NDUFAF3: variants seen among roughly 807,000 people sequenced by gnomAD.
NDUFAF3 encodes the protein NADH dehydrogenase [ubiquinone] 1 alpha subcomplex assembly factor 3.
NDUFAF3 carries 21 observed loss-of-function variants against 22.6 expected under a neutral mutation model. That is an observed-to-expected ratio of 0.93 (90% confidence interval 0.66 to 1.34). The LOEUF (loss-of-function observed/expected upper bound fraction) is 1.34, where lower values mean the gene tolerates loss of function less well. Among genes scored for constraint, NDUFAF3 ranks in the 40% most tolerant of loss-of-function variants. NDUFAF3 has a pLI of 0.00. For synonymous variants in NDUFAF3, 113 were observed against 104.9 expected (o/e 1.08, Z -0.47); for missense variants, 251 against 248.4 (o/e 1.01, Z -0.07).
chr3:49,020,931 G>C (rs1318824570), upstream of NDUFAF3: 2 of 207,242 alleles, frequency 9.7e-6, no homozygotes, highest in African/African-American at 2.3e-5. Context: ...GGCAGGATTA[G>C]CCCTGTTGGT....
chr3:49,020,494 C>T, upstream of NDUFAF3: 1 of 388,884 alleles, frequency 2.6e-6, no homozygotes, highest in Non-Finnish European at 5.4e-6. Flanking sequence ...CCAGCCTCGG[C>T]TCTCCCACGT....
rs1453134023 is a variant in NDUFAF3, at chr3:49,022,259, C to G, written c.77+38C>G. 6.2e-7 allele frequency: 1 copy of G among 1,608,994 alleles called. No individual in the cohort carries two copies. The highest frequency in any genetic ancestry group is 1.7e-5 in the Admixed American group (1 of 59,876). ...CCCGCGCCCTCGACCATCCAGCCCCCTAGGGCCGGCGACTGCCAGCCCAGC... is the reference window on the plus strand; with the variant it reads ...CCCGCGCCCTCGACCATCCAGCCCCGTAGGGCCGGCGACTGCCAGCCCAGC... On this transcript the variant is annotated intron_variant, in intron 1 of 4. Transcript: ENST00000326925. This position sits in a 1 kb window ranked among gnomAD's most constrained non-coding sequence, Gnocchi z 6.6.
chr3:49,022,448 C>CT lies in NDUFAF3; in HGVS notation c.180_181insT (p.Asp61Ter), dbSNP rs752864722. On this transcript the variant is annotated frameshift_variant, in exon 2 of 5. Transcript: ENST00000326925. LOFTEE classifies it high-confidence loss of function. The surrounding 1 kb of genome is among the most constrained non-coding windows in gnomAD (Gnocchi z 6.6). ...GCGAGGCCGCTCAGGCAATGTACAT[C>CT]GACAGCTACAACAGCCGCGGCTTCA... is the stretch of plus-strand genomic sequence containing the variant. 71 of 1,612,936 alleles carry CT rather than the reference C, an allele frequency of 4.4e-5. No homozygotes were observed. The highest frequency in any genetic ancestry group is 5.1e-6 in the Non-Finnish European group (6 of 1,180,030).
rs1218876924 is a variant in NDUFAF3 at position 49,023,125 on chromosome 3, C to T, written c.508C>T (p.Pro170Ser). The change falls in exon 5 of 5, where the codon CCA becomes TCA. Residue 170 changes from proline (P) to serine (S), a missense_variant. Physicochemically the swap from Pro to Ser is moderately conservative, Grantham distance 74. Coordinates refer to ENST00000326925, the MANE Select transcript of NDUFAF3 (RefSeq NM_199069.2). ...AGTAACTGGAGCTGCTCTCATCCCT[C>T]CACCAGGAGGGACTTCACTTACATC... Reference protein sequence around the residue: ...GRVTGAALIPPPGGTSLTSLG... With the variant: ...GRVTGAALIPSPGGTSLTSLG... 1 of 1,614,068 alleles carries T rather than the reference C, an allele frequency of 6.2e-7. No homozygotes were observed. Among genetic ancestry groups the T allele is most frequent in the Non-Finnish European group, 8.5e-7 (1 of 1,180,052 alleles).
Position 49,022,444 on chromosome 3 carries a change from A to G in NDUFAF3, c.176A>G (p.Tyr59Cys). The G allele has an allele frequency of 1.2e-6, 2 of 1,613,052 alleles. No individual in the cohort carries two copies. Among genetic ancestry groups the G allele is most frequent in the Non-Finnish European group, 8.5e-7 (1 of 1,180,016 alleles). Residue 59 changes from tyrosine (Y) to cysteine (C), a missense_variant, in exon 2 of 5, where the codon TAC becomes TGC. By Grantham distance (194) the Tyr-to-Cys change is radical. Coordinates refer to ENST00000326925, the MANE Select transcript of NDUFAF3 (RefSeq NM_199069.2). The surrounding 1 kb of genome is among the most constrained non-coding windows in gnomAD (Gnocchi z 6.6). The stretch of plus-strand genomic sequence containing the variant: ...CAACGCGAGGCCGCTCAGGCAATGT[A>G]CATCGACAGCTACAACAGCCGCGGC... ...LLQREAAQAM[Y>C]IDSYNSRGFM...
In NDUFAF3 at chr3:49,022,737, T is replaced by C. The variant is rs777364790; in HGVS notation, c.306T>C (p.Phe102=). The C allele has an allele frequency of 5.6e-6, 9 of 1,613,910 alleles. No homozygotes were observed. In the African/African-American group the frequency reaches 9.3e-5, roughly 17 times the overall value. The part of the protein sequence containing the change: ...GSHQDITEDS[F]SLFWLLEPRI... The stretch of plus-strand genomic sequence containing the variant: ...ACCAGGACATCACCGAAGACAGCTT[T>C]TCCCTCTTCTGGTTGCTGGAGCCCC... The change falls in exon 3 of 5, where the codon TTT becomes TTC. Residue 102 remains phenylalanine (F), a synonymous_variant. Transcript: ENST00000326925. The surrounding 1 kb of genome is among the most constrained non-coding windows in gnomAD (Gnocchi z 6.6).
At position 49,022,326 on chromosome 3, in the gene NDUFAF3, C is replaced by T. The variant is rs1364306827; in HGVS notation, c.78-20C>T. 2.5e-6 allele frequency: 4 copies of T among 1,610,206 alleles called. No individual in the cohort carries two copies. On this transcript the variant is annotated intron_variant, in intron 1 of 4. Transcript: ENST00000326925. The surrounding 1 kb of genome is among the most constrained non-coding windows in gnomAD (Gnocchi z 6.6). ...GGCTGCCCGGCCCGGCCCCGCGCCC[C>T]TGACCCTTTCCCTCCGCAGGGCCCC...
chr3:49,022,143 C>T lies in NDUFAF3; in HGVS notation c.-2C>T, dbSNP rs775652724. 1.5e-5 allele frequency: 24 copies of T among 1,607,888 alleles called. No homozygotes were observed. The South Asian group carries it at 2.1e-4, about 14-fold the overall frequency. On this transcript the variant is annotated 5_prime_UTR_variant, in exon 1 of 5. Transcript: ENST00000326925. This position sits in a 1 kb window ranked among gnomAD's most constrained non-coding sequence, Gnocchi z 6.6. ...GACGACTTCGCCGCGCGTTGGTCAG[C>T]CATGGCCACCGCTCTCGCGCTACGT...
At chr3:49,021,467 C>T (rs1350556650), upstream of NDUFAF3, 1 of 153,448 alleles carries the variant, frequency 6.5e-6, no homozygotes, top group East Asian at 1.9e-4. This position sits in a 1 kb window ranked among gnomAD's most constrained non-coding sequence, Gnocchi z 4.1. Flanking sequence ...GCCGAACAGC[C>T]ACCCAAACAC....
rs768960240 is a variant in NDUFAF3, at chr3:49,022,314, G to T, written c.78-32G>T. On this transcript the variant is annotated intron_variant, in intron 1 of 4. Transcript: ENST00000326925. The surrounding 1 kb of genome is among the most constrained non-coding windows in gnomAD (Gnocchi z 6.6). The stretch of plus-strand genomic sequence containing the variant: ...TCCGGCCTCTCGGGCTGCCCGGCCC[G>T]GCCCCGCGCCCCTGACCCTTTCCCT... 1 of 1,607,570 alleles carries T rather than the reference G, an allele frequency of 6.2e-7. No individual in the cohort carries two copies. The highest frequency in any genetic ancestry group is 1.7e-5 in the Admixed American group (1 of 59,836).
At chr3:49,020,737 C>A (rs942698826), upstream of NDUFAF3, 1 of 467,498 alleles carries the variant, frequency 2.1e-6, no homozygotes, top group Middle Eastern at 6.0e-4. Flanking sequence ...AGCTCCTGCC[C>A]CCAGGTCACT....
chr3:49,023,447 C>G lies in NDUFAF3; in HGVS notation c.*275C>G. 2.0e-6 allele frequency: 1 copy of G among 495,010 alleles called. No individual in the cohort carries two copies. Among genetic ancestry groups the G allele is most frequent in the East Asian group, 3.8e-5 (1 of 26,126 alleles). 30.7% of individuals were successfully genotyped at this position (495,010 alleles called of 1,614,324 possible). A position where few individuals can be genotyped will look rare whatever the true frequency, so the allele number is the denominator to read the frequency against. On this transcript the variant is annotated 3_prime_UTR_variant, in exon 5 of 5. Coordinates refer to ENST00000326925, the MANE Select transcript of NDUFAF3 (RefSeq NM_199069.2). The stretch of plus-strand genomic sequence containing the variant: ...AGTATGTTTGCCTGTTGTAGACCTA[C>G]TTGCTCACATGCAGATTTGAGAGGA...
In NDUFAF3 at chr3:49,022,774, G is replaced by T; in HGVS notation, c.337+6G>T. ...GTTGCTGGAGCCCCGGATAGGTACT[G>T]GGGAAGGGGAGGGAGAACAGAGGTG... On this transcript the variant is annotated splice_donor_region_variant and intron_variant, in intron 3 of 4. Transcript: ENST00000326925. The surrounding 1 kb of genome is among the most constrained non-coding windows in gnomAD (Gnocchi z 6.6). The T allele has an allele frequency of 6.2e-7, 1 of 1,614,004 alleles. No individual in the cohort carries two copies. The highest frequency in any genetic ancestry group is 8.5e-7 in the Non-Finnish European group (1 of 1,180,020).
Position 49,022,562 on chromosome 3 carries a change from A to G in NDUFAF3, c.270+24A>G, listed in dbSNP as rs374382905. 6.2e-7 allele frequency: 1 copy of G among 1,613,320 alleles called. No individual in the cohort carries two copies. Among genetic ancestry groups the G allele is most frequent in the African/African-American group, 1.3e-5 (1 of 74,914 alleles). ...ACGTGAGTCCTGGCCCGCAGTGTGG[A>G]AACTGAGGCCCAGAGTCACAGGCCC... On this transcript the variant is annotated intron_variant, in intron 2 of 4. Transcript: ENST00000326925. The surrounding 1 kb of genome is among the most constrained non-coding windows in gnomAD (Gnocchi z 6.6).
chr3:49,022,717 G>C lies in NDUFAF3; in HGVS notation c.286G>C (p.Asp96His), dbSNP rs754979072. The stretch of plus-strand genomic sequence containing the variant: ...CCCTGCACAGGTGGGATCCCACCAG[G>C]ACATCACCGAAGACAGCTTTTCCCT... ...VVQWNVGSHQ[D>H]ITEDSFSLFW... Residue 96 changes from aspartate (D) to histidine (H), a missense_variant, in exon 3 of 5, where the codon GAC becomes CAC. Physicochemically the swap from Asp to His is moderately conservative, Grantham distance 81 (BLOSUM62 -1). Coordinates refer to ENST00000326925, the MANE Select transcript of NDUFAF3 (RefSeq NM_199069.2). The surrounding 1 kb of genome is among the most constrained non-coding windows in gnomAD (Gnocchi z 6.6). 4.3e-6 allele frequency: 7 copies of C among 1,613,978 alleles called. No individual in the cohort carries two copies. The highest frequency in any genetic ancestry group is 5.9e-6 in the Non-Finnish European group (7 of 1,180,046).
chr3:49,022,031 G>A, upstream of NDUFAF3: 1 of 1,125,818 alleles, frequency 8.9e-7, no homozygotes, highest in Admixed American at 2.0e-5. The surrounding 1 kb of genome is among the most constrained non-coding windows in gnomAD (Gnocchi z 6.6). Context: ...CGAGCTGTGC[G>A]GTGCCCTCCG....
chr3:49,021,999 G>C, upstream of NDUFAF3: 1 of 823,444 alleles, frequency 1.2e-6, no homozygotes, highest in South Asian at 1.6e-5. The surrounding 1 kb of genome is among the most constrained non-coding windows in gnomAD (Gnocchi z 4.1). Context: ...TAAGACTGAG[G>C]ACACTCGCCT....
rs1293923704 is a variant in NDUFAF3 at position 49,022,827 on chromosome 3, T to A, written c.338-49T>A. On this transcript the variant is annotated intron_variant, in intron 3 of 4. Coordinates refer to ENST00000326925, the MANE Select transcript of NDUFAF3 (RefSeq NM_199069.2). The surrounding 1 kb of genome is among the most constrained non-coding windows in gnomAD (Gnocchi z 6.6). Reference sequence around the variant, plus strand: ...CTGGGCCCCAGAAGGCGACCCCCACTGCAGCCTCTCAACAGAACTGTAGAC... The same window carrying A: ...CTGGGCCCCAGAAGGCGACCCCCACAGCAGCCTCTCAACAGAACTGTAGAC... The A allele has an allele frequency of 6.2e-7, 1 of 1,613,340 alleles. No individual in the cohort carries two copies. Among genetic ancestry groups the A allele is most frequent in the South Asian group, 1.1e-5 (1 of 91,084 alleles).
rs901198326 is a variant in NDUFAF3, at chr3:49,022,728, A to G, written c.297A>G (p.Glu99=). 33 of 1,614,034 alleles carry G rather than the reference A, an allele frequency of 2.0e-5. No individual in the cohort carries two copies. The highest frequency in any genetic ancestry group is 2.5e-5 in the Non-Finnish European group (30 of 1,180,008). The change falls in exon 3 of 5, where the codon GAA becomes GAG. Residue 99 remains glutamate, a synonymous_variant. Transcript: ENST00000326925. The surrounding 1 kb of genome is among the most constrained non-coding windows in gnomAD (Gnocchi z 6.6). The stretch of plus-strand genomic sequence containing the variant: ...TGGGATCCCACCAGGACATCACCGA[A>G]GACAGCTTTTCCCTCTTCTGGTTGC... ...WNVGSHQDIT[E]DSFSLFWLLE...
Sources: allele counts gnomAD v4.1 joint callset, GRCh38; gene constraint gnomAD v4.1.1; non-coding constraint Gnocchi (gnomAD v3.1); transcripts MANE v1.5; gene names NCBI Gene and HGNC (gene_info 2026-07-23, HGNC 2026-07-21).